CRPPA: variants seen among roughly 807,000 people sequenced by gnomAD.
CRPPA encodes the protein CDP-L-ribitol pyrophosphorylase A.
CRPPA carries 43 observed loss-of-function variants against 52.0 expected under a neutral mutation model. That is an observed-to-expected ratio of 0.83 (90% CI 0.65 to 1.07). CRPPA has a LOEUF of 1.07. Ranked by LOEUF, CRPPA falls within the 50% of genes least tolerant of loss-of-function variation. The pLI, the probability that CRPPA is intolerant of heterozygous loss-of-function variation, is 0.00. For missense variants in CRPPA, 629 were observed against 551.7 expected, an observed-to-expected ratio of 1.14 and a Z score of -1.40; for synonymous variants, 250 against 203.5, an observed-to-expected ratio of 1.23 and a Z score of -1.94.
intron 8 of CRPPA, among the ~76,000 whole-genome samples, chr7:16,217,848 C>G (rs2128399133): frequency 6.6e-6 from 1 of 151,872 alleles, no homozygotes; most frequent in South Asian, 2.1e-4. Context: ...GAGAATGGAA[C>G]CAAGTTGGAA....
At chr7:16,099,534 G>T (rs1172108096) in intron 9 of CRPPA, among the ~76,000 whole-genome samples, 1 of 151,348 alleles carries the variant, frequency 6.6e-6, no homozygotes. Flanking sequence ...GAGAAGGGAA[G>T]GGAAAGGTTG....
intron 9 of CRPPA, among the ~76,000 whole-genome samples, chr7:16,134,275 A>C (rs1410707548): frequency 8.0e-6 from 1 of 124,958 alleles, no homozygotes; most frequent in Non-Finnish European, 1.8e-5. Flanking sequence ...CTTTATTGTA[A>C]GAATGCAGTA....
In CRPPA at chr7:16,314,664, T is replaced by G. The variant is rs546698994; in HGVS notation, c.685-6037A>C. On this transcript the variant is annotated intron_variant, in intron 3 of 9. Coordinates refer to ENST00000407010, the MANE Select transcript of CRPPA (RefSeq NM_001101426.4). The stretch of plus-strand genomic sequence containing the variant: ...CCATTCCTTCTTTACTTTTGAAAAA[T>G]AATTTTGCTGGGAACAGAATTCTAG... Among the ~76,000 whole-genome samples the G allele has an allele frequency of 6.8e-4, 104 of 152,190 alleles. 1 individual carries two copies. The South Asian group carries it at 0.014, about 20-fold the overall frequency.
At chr7:16,208,073 A>T (rs1782016453) in intron 9 of CRPPA, among the ~76,000 whole-genome samples, 1 of 152,184 alleles carries the variant, frequency 6.6e-6, no homozygotes, top group Admixed American at 6.6e-5. Context: ...CAATTGCAAC[A>T]ACACTATTTT....
chr7:16,396,910 G>A (rs746155684), intron 2 of CRPPA, among the ~76,000 whole-genome samples: 1 of 152,238 alleles, frequency 6.6e-6, no homozygotes, highest in Non-Finnish European at 1.5e-5. Context: ...ATGTGTGAAA[G>A]ACAAATGTGA....
intron 6 of CRPPA, among the ~76,000 whole-genome samples, chr7:16,271,321 C>T (rs953039660): frequency 6.6e-6 from 1 of 152,116 alleles, no homozygotes; most frequent in South Asian, 2.1e-4. Context: ...GAGGTTTCCT[C>T]TGTAGAACTG....
At chr7:16,336,458 A>G (rs1785683262) in intron 3 of CRPPA, among the ~76,000 whole-genome samples, 1 of 152,024 alleles carries the variant, frequency 6.6e-6, no homozygotes, top group African/African-American at 2.4e-5. Flanking sequence ...AAGCCTTATA[A>G]CTACAAAGCC....
At chr7:16,168,145 A>G (rs1021427821) in intron 9 of CRPPA, among the ~76,000 whole-genome samples, 4 of 152,230 alleles carry the variant, frequency 2.6e-5, no homozygotes, top group African/African-American at 9.6e-5. Context: ...TAAGTTACAT[A>G]AGAAAAGTGA....
chr7:16,105,210 C>A (rs1782127201), intron 9 of CRPPA, among the ~76,000 whole-genome samples: 1 of 152,200 alleles, frequency 6.6e-6, no homozygotes, highest in Non-Finnish European at 1.5e-5. Flanking sequence ...TATCCGCAGA[C>A]TGGAAGAATA....
At chr7:16,228,368 G>T (rs2389593) in intron 8 of CRPPA, among the ~76,000 whole-genome samples, 107,171 of 151,630 alleles carry the variant, frequency 0.71, 38,042 homozygotes, top group Admixed American at 0.78. Flanking sequence ...AGTTTGTTGT[G>T]TTTTCTAGTT....
At chr7:16,348,535 T>C (rs1438863383) in intron 3 of CRPPA, among the ~76,000 whole-genome samples, 1 of 152,180 alleles carries the variant, frequency 6.6e-6, no homozygotes, top group African/African-American at 2.4e-5. Context: ...AGGGACTAGG[T>C]ATATGAGCGT....
At chr7:16,242,746 C>T (rs1010813736) in intron 8 of CRPPA, among the ~76,000 whole-genome samples, 3 of 152,016 alleles carry the variant, frequency 2.0e-5, no homozygotes, top group African/African-American at 4.8e-5. Context: ...TGTAAAATTC[C>T]GTTATGCTGA....
At chr7:16,144,556 G>T (rs1338911337) in intron 9 of CRPPA, among the ~76,000 whole-genome samples, 2 of 152,178 alleles carry the variant, frequency 1.3e-5, no homozygotes, top group African/African-American at 2.4e-5. Flanking sequence ...TTAGGGCGTA[G>T]GTACAATGGA....
intron 7 of CRPPA, 52 bp from the exon 8 acceptor site, chr7:16,258,534 A>G (rs1562591492): frequency 1.2e-5 from 12 of 1,039,812 alleles, no homozygotes; most frequent in Non-Finnish European, 1.1e-5. Flanking sequence ...TAAATGACTT[A>G]AAACTTATTT....
chr7:16,226,990 A>C (rs143451625), intron 8 of CRPPA, among the ~76,000 whole-genome samples: 187 of 152,014 alleles, frequency 1.2e-3, no homozygotes, highest in Middle Eastern at 3.4e-3. Flanking sequence ...AACATCATTC[A>C]GTATTTGTCT....
At chr7:16,368,137 C>A (rs1786657709) in intron 3 of CRPPA, among the ~76,000 whole-genome samples, 1 of 152,148 alleles carries the variant, frequency 6.6e-6, no homozygotes, top group Non-Finnish European at 1.5e-5. Flanking sequence ...TAAAAAGCTT[C>A]TTTGTATAAT....
chr7:16,325,924 C>A (rs1055722939), intron 3 of CRPPA, among the ~76,000 whole-genome samples: 1 of 151,966 alleles, frequency 6.6e-6, no homozygotes, highest in Non-Finnish European at 1.5e-5. Flanking sequence ...ATTGGCAACA[C>A]AATAAAGGGA....
intron 9 of CRPPA, among the ~76,000 whole-genome samples, chr7:16,094,301 A>G (rs1221336096): frequency 6.6e-6 from 1 of 152,128 alleles, no homozygotes; most frequent in Non-Finnish European, 1.5e-5. Flanking sequence ...GAAATTTAAA[A>G]ACTGATTAAG....
intron 2 of CRPPA, among the ~76,000 whole-genome samples, chr7:16,383,991 C>T (rs1054391799): frequency 6.6e-6 from 1 of 152,174 alleles, no homozygotes; most frequent in Non-Finnish European, 1.5e-5. Context: ...GCGCACGGTG[C>T]GCTGCACTCA....
Sources: gnomAD v4.1 joint callset for allele counts (sites outside exome capture counted in the v4.1 genomes callset) on GRCh38, gnomAD v4.1.1 for gene constraint, MANE v1.5 for transcripts, NCBI Gene and HGNC (gene_info 2026-07-23, HGNC 2026-07-21) for gene names.